The following KDM2B variants were observed in gnomAD, a reference collection of about 807,000 sequenced individuals.
KDM2B encodes the protein lysine demethylase 2B.
KDM2B carries 26 observed loss-of-function variants against 150.0 expected under a neutral mutation model. The observed-to-expected ratio is 0.17, with a 90% CI of 0.13 to 0.24. The LOEUF (loss-of-function observed/expected upper bound fraction) is 0.24. KDM2B is among the 10% of genes least tolerant of loss of function. The probability of loss-of-function intolerance (pLI) is 1.00; values close to 1 mark genes in which losing one functional copy is unlikely to be tolerated. For missense variants in KDM2B, 1,265 were observed against 1,816.9 expected, an observed-to-expected ratio of 0.70 and a Z score of 5.52; for synonymous variants, 734 against 729.5, an observed-to-expected ratio of 1.01 and a Z score of -0.10.
intron 12 of KDM2B, among the ~76,000 whole-genome samples, chr12:121,454,562 G>A (rs1395830972): frequency 6.6e-6 from 1 of 152,158 alleles, no homozygotes; most frequent in Non-Finnish European, 1.5e-5. Context: ...GTCCACCTGG[G>A]ACCTGTAGTG....
chr12:121,442,758 C>T lies in KDM2B; in HGVS notation c.2683G>A (p.Asp895Asn), dbSNP rs782716329. 1 of 1,549,340 alleles carries T rather than the reference C, an allele frequency of 6.5e-7. No homozygotes were observed. Among genetic ancestry groups the T allele is most frequent in the Non-Finnish European group, 8.7e-7 (1 of 1,153,844 alleles). Residue 895 changes from aspartate (D) to asparagine (N), a missense_variant, in exon 19 of 23, where the codon GAC (aspartate) becomes AAC (asparagine). Transcript: ENST00000377071. This position sits in a 1 kb window ranked among gnomAD's most constrained non-coding sequence, Gnocchi z 7.7. ...PLRRFKQEPE[D>N]ELPEAPPKTR... ...TTGGGGGGCGCCTCGGGCAGTTCGT[C>T]CTCGGGTTCCTGCTTGAAGCGCCGG...
chr12:121,529,538 C>A (rs1453326868), intron 8 of KDM2B, among the ~76,000 whole-genome samples: 1 of 152,134 alleles, frequency 6.6e-6, no homozygotes, highest in Non-Finnish European at 1.5e-5. Context: ...CTCCTCAAAG[C>A]CACAAATCAA....
chr12:121,576,557 G>A (rs1555316894), intron 2 of KDM2B, among the ~76,000 whole-genome samples: 1 of 151,980 alleles, frequency 6.6e-6, no homozygotes, highest in Non-Finnish European at 1.5e-5. Flanking sequence ...AGGGGGCATA[G>A]CAAGACCCAA....
intron 4 of KDM2B, among the ~76,000 whole-genome samples, chr12:121,559,522 C>T (rs1183544740): frequency 2.0e-5 from 3 of 152,122 alleles, no homozygotes; most frequent in African/African-American, 7.2e-5. Flanking sequence ...AGAACACTAC[C>T]CAGAGTGGCA....
At position 121,453,350 on chromosome 12, in the gene KDM2B, G is replaced by A; in HGVS notation, c.1735-6C>T. 3.2e-6 allele frequency: 5 copies of A among 1,563,206 alleles called. No individual in the cohort carries two copies. Among genetic ancestry groups the A allele is most frequent in the Non-Finnish European group, 4.3e-6 (5 of 1,153,598 alleles). ...GGCCGACCCACAGCCCGGTTCTGCA[G>A]GGGAACAGACACGACTGGTCAGATG... is the stretch of plus-strand genomic sequence containing the variant. On this transcript the variant is annotated splice_polypyrimidine_tract_variant and splice_region_variant and intron_variant, in intron 12 of 22. Coordinates refer to ENST00000377071, the MANE Select transcript of KDM2B (RefSeq NM_032590.5). The surrounding 1 kb of genome is among the most constrained non-coding windows in gnomAD (Gnocchi z 6.4).
the KDM2B span, among the ~76,000 whole-genome samples, chr12:121,415,960 G>A: frequency 6.7e-4 from 101 of 151,228 alleles, no homozygotes; most frequent in Middle Eastern, 6.9e-3. Context: ...AGAGATCATG[G>A]GTATTGGCAA....
intron 9 of KDM2B, chr12:121,516,691 A>G: frequency 1.6e-6 from 1 of 629,686 alleles, no homozygotes; most frequent in South Asian, 2.0e-5. Flanking sequence ...GGGCCCACTC[A>G]GCGGCACCTG....
At position 121,467,302 on chromosome 12, in the gene KDM2B, G is replaced by C. The variant is rs1247413289; in HGVS notation, c.1735-13958C>G. On this transcript the variant is annotated intron_variant, in intron 12 of 22. Transcript: ENST00000377071. This position sits in a 1 kb window ranked among gnomAD's most constrained non-coding sequence, Gnocchi z 5.1. ...CCCGGAGCAGGCTCGGCTCGCCCTG[G>C]CTCGGGCTCGGGCTCGGGCTCGGGC... is the stretch of plus-strand genomic sequence containing the variant. 31 of 981,710 alleles carry C rather than the reference G, an allele frequency of 3.2e-5. No homozygotes were observed. Among genetic ancestry groups the C allele is most frequent in the African/African-American group, 5.3e-5 (3 of 56,368 alleles). 60.8% of individuals were successfully genotyped at this position (981,710 alleles called of 1,614,324 possible).
chr12:121,509,499 G>A (rs1020549400), intron 11 of KDM2B, 68 bp downstream of exon 11: 34 of 1,570,774 alleles, frequency 2.2e-5, no homozygotes, highest in East Asian at 9.0e-5. Flanking sequence ...TGAGCTGCAC[G>A]TGTCACACTG....
intron 4 of KDM2B, among the ~76,000 whole-genome samples, chr12:121,564,836 C>G (rs1275030842): frequency 7.3e-5 from 11 of 150,648 alleles, no homozygotes; most frequent in African/African-American, 2.7e-4. Context: ...TTTTCTTTTT[C>G]TTATTTTTTT....
At position 121,548,991 on chromosome 12, in the gene KDM2B, C is replaced by A; in HGVS notation, c.577-8G>T. On this transcript the variant is annotated splice_region_variant and splice_polypyrimidine_tract_variant and intron_variant, in intron 5 of 22. Transcript: ENST00000377071. ...CCAGTCCACCAGGTCTACCTGAAAG[C>A]CAGACCAGTGTGAGCACTGCATTTC... 1 of 1,607,570 alleles carries A rather than the reference C, an allele frequency of 6.2e-7. No individual in the cohort carries two copies. Among genetic ancestry groups the A allele is most frequent in the Non-Finnish European group, 8.5e-7 (1 of 1,174,030 alleles).
intron 6 of KDM2B, 34 bp from the exon 7 acceptor site, chr12:121,534,624 T>G: frequency 6.6e-7 from 1 of 1,515,628 alleles, no homozygotes; most frequent in Non-Finnish European, 9.2e-7. Context: ...AGAACACAAG[T>G]CAAGATCTAA....
At chr12:121,477,896 CTT>C (rs577140819) in intron 12 of KDM2B, among the ~76,000 whole-genome samples, 1 of 151,026 alleles carries the variant, frequency 6.6e-6, no homozygotes, top group Non-Finnish European at 1.5e-5. Context: ...TATTTTAAAA[CTT>C]TTTTTTATCA....
At chr12:121,563,609 A>C (rs1555314259) in intron 4 of KDM2B, among the ~76,000 whole-genome samples, 1 of 151,068 alleles carries the variant, frequency 6.6e-6, no homozygotes, top group Non-Finnish European at 1.5e-5. Flanking sequence ...TCTGCCAAAA[A>C]AAAAAGTCAA....
Position 121,461,191 on chromosome 12 carries a change from C to T in KDM2B, c.1735-7847G>A, listed in dbSNP as rs374282890. Among the ~76,000 whole-genome samples, 11 of 151,982 alleles carry T rather than the reference C, an allele frequency of 7.2e-5. No individual in the cohort carries two copies. In the East Asian group the frequency reaches 1.3e-3, roughly 19 times the overall value. On this transcript the variant is annotated intron_variant, in intron 12 of 22. Coordinates refer to ENST00000377071, the MANE Select transcript of KDM2B (RefSeq NM_032590.5). ...CGTGCCAGGGGTGGGAGTGGGGTTA[C>T]GAAGTGGATATTCTAGGCAGAAGGA... is the stretch of plus-strand genomic sequence containing the variant.
At chr12:121,546,255 T>C (rs1162212678) in intron 6 of KDM2B, among the ~76,000 whole-genome samples, 1 of 151,934 alleles carries the variant, frequency 6.6e-6, no homozygotes, top group Non-Finnish European at 1.5e-5. Context: ...AACCAATCAA[T>C]GAACCATCAT....
Position 121,442,792 on chromosome 12 carries a change from G to C in KDM2B, c.2649C>G (p.Asn883Lys). 6.5e-7 allele frequency: 1 copy of C among 1,539,118 alleles called. No individual in the cohort carries two copies. Among genetic ancestry groups the C allele is most frequent in the Non-Finnish European group, 8.7e-7 (1 of 1,149,592 alleles). Residue 883 changes from asparagine to lysine, a missense_variant, in exon 19 of 23, where the codon AAC becomes AAG. By Grantham distance (94) the Asn-to-Lys change is moderately conservative. Around this residue, in one of 11 missense-constraint regions of KDM2B, gnomAD observed 418 missense variants for 402.4 expected, o/e 1.04. Transcript: ENST00000377071. The surrounding 1 kb of genome is among the most constrained non-coding windows in gnomAD (Gnocchi z 7.7). ...CCTGCTTGAAGCGCCGGAGGGGCTT[G>C]TTGGCCAGCGCCATGCGGTCCTCGG... ...KNAEDRMALA[N>K]KPLRRFKQEP... is the part of the protein sequence containing the mutation.
chr12:121,567,811 A>G (rs1370551628), intron 4 of KDM2B, among the ~76,000 whole-genome samples: 1 of 150,668 alleles, frequency 6.6e-6, no homozygotes, highest in Non-Finnish European at 1.5e-5. Flanking sequence ...CCCGGGTTCA[A>G]GCCATTCTCC....
rs376879121 is a variant in KDM2B at position 121,440,011 on chromosome 12, G to T, written c.3675C>A (p.Ile1225=). ...TGATGAGCCGCAGGGAGGCATCTGT[G>T]ATGTCCAGGCCTGCCAGGCGCAGCT... ...IVELRLAGLD[I]TDASLRLIIR... is the part of the protein sequence containing the mutation. Residue 1225 remains isoleucine, a synonymous_variant, in exon 22 of 23, where the codon ATC becomes ATA. Coordinates refer to ENST00000377071, the MANE Select transcript of KDM2B (RefSeq NM_032590.5). The T allele has an allele frequency of 5.0e-6, 8 of 1,613,926 alleles. No individual in the cohort carries two copies. The highest frequency in any genetic ancestry group is 6.8e-6 in the Non-Finnish European group (8 of 1,180,010).
Sources: gnomAD v4.1 joint callset for allele counts (sites outside exome capture counted in the v4.1 genomes callset) on GRCh38, gnomAD v4.1.1 for gene constraint, gnomAD v4.1.1 regional missense constraint, Gnocchi (gnomAD v3.1) non-coding constraint, MANE v1.5 for transcripts, NCBI Gene and HGNC (gene_info 2026-07-23, HGNC 2026-07-21) for gene names.